Variants in ENPP2 observed in about 807,000 individuals in gnomAD.
ENPP2 encodes the protein autotaxin.
ENPP2 carries 51 observed loss-of-function variants against 120.2 expected under a neutral mutation model. The observed-to-expected ratio is 0.42, with a 90% CI of 0.34 to 0.54. The LOEUF is 0.54. Among genes scored for constraint, ENPP2 ranks in the 20% least tolerant of loss-of-function variants. The pLI is 0.04. For synonymous variants in ENPP2, 365 were observed against 366.4 expected, an observed-to-expected ratio of 1.00 and a Z score of 0.04; for missense variants, 920 against 1,066.5, an observed-to-expected ratio of 0.86 and a Z score of 1.91.
At chr8:119,651,934 C>T (rs183418723) in intron 1 of ENPP2, among the ~76,000 whole-genome samples, 36 of 152,244 alleles carry the variant, frequency 2.4e-4, no homozygotes, top group Admixed American at 1.4e-3. Flanking sequence ...TGAAAGCTTA[C>T]GCTGTGTCAA....
rs543456052 is a variant in ENPP2 at position 119,638,612 on chromosome 8, T to C, written c.34-85A>G. The C allele has an allele frequency of 2.0e-3, 2,042 of 1,017,014 alleles. 4 individuals carry two copies. Among genetic ancestry groups the C allele is most frequent in the Non-Finnish European group, 2.8e-3 (1,754 of 634,468 alleles). The allele number at this position is 1,017,014 out of a possible 1,614,324, so 63.0% of individuals were successfully genotyped here. On this transcript the variant is annotated intron_variant, in intron 1 of 24. Transcript: ENST00000075322. The stretch of plus-strand genomic sequence containing the variant: ...ACAAAGGTGATTCAAATGGCTTCAA[T>C]ATCAACACCCAATCCTACCACTTCC...
chr8:119,600,578 C>A, intron 11 of ENPP2, 100 bp downstream of exon 11: 5 of 758,484 alleles, frequency 6.6e-6, no homozygotes, highest in African/African-American at 1.8e-5. Context: ...CTTGTAGATA[C>A]AAACATCCAT....
At chr8:119,592,897 A>C (rs866245683) in intron 12 of ENPP2, 2 of 455,532 alleles carry the variant, frequency 4.4e-6, no homozygotes, top group Non-Finnish European at 5.6e-6. Flanking sequence ...AAAGACCTTC[A>C]GGACCAGAGC....
At chr8:119,637,321 G>C (rs1313694897) in intron 2 of ENPP2, among the ~76,000 whole-genome samples, 1 of 152,106 alleles carries the variant, frequency 6.6e-6, no homozygotes, top group Non-Finnish European at 1.5e-5. Context: ...TGCAAGTTTT[G>C]TGATCTATTT....
chr8:119,585,037 C>T (rs186821675), intron 15 of ENPP2, among the ~76,000 whole-genome samples: 106 of 152,306 alleles, frequency 7.0e-4, no homozygotes, highest in African/African-American at 2.2e-3. Flanking sequence ...CAACTGTCAT[C>T]ATCTTTCACT....
At chr8:119,600,614 A>T in intron 11 of ENPP2, 64 bp downstream of exon 11, 1 of 993,592 alleles carries the variant, frequency 1.0e-6, no homozygotes. Flanking sequence ...TTCCTGAAAT[A>T]AAGTCAGTAG....
intron 19 of ENPP2, among the ~76,000 whole-genome samples, chr8:119,574,154 G>A (rs1587359004): frequency 6.6e-6 from 1 of 151,932 alleles, no homozygotes; most frequent in East Asian, 1.9e-4. Context: ...GTTTATCAAA[G>A]TATCAAAGAA....
chr8:119,636,125 G>A (rs563979843), intron 2 of ENPP2, among the ~76,000 whole-genome samples: 2 of 152,298 alleles, frequency 1.3e-5, no homozygotes, highest in Admixed American at 1.3e-4. Flanking sequence ...AGGCATGGCT[G>A]CCTCCTCCCC....
chr8:119,600,665 C>T lies in ENPP2; in HGVS notation c.972+13G>A. On this transcript the variant is annotated intron_variant, in intron 11 of 24. Transcript: ENST00000075322. ...GCCACAGATTCTTCTCAGGCAGATG[C>T]TAAACCACTAACCTCAGGGCCGAAA... 1 of 1,579,220 alleles carries T rather than the reference C, an allele frequency of 6.3e-7. No individual in the cohort carries two copies. Among genetic ancestry groups the T allele is most frequent in the Non-Finnish European group, 8.7e-7 (1 of 1,148,638 alleles).
At chr8:119,561,118 T>C (rs1036839747) in intron 24 of ENPP2, among the ~76,000 whole-genome samples, 2 of 152,254 alleles carry the variant, frequency 1.3e-5, no homozygotes, top group African/African-American at 2.4e-5. Context: ...TCATTTCTAA[T>C]ATTCTGGCAA....
chr8:119,604,918 C>T (rs865924345), intron 9 of ENPP2, among the ~76,000 whole-genome samples: 24 of 151,954 alleles, frequency 1.6e-4, no homozygotes, highest in Admixed American at 6.6e-4. Context: ...GGATTACAGG[C>T]GCCCACCACC....
chr8:119,630,279 C>T (rs1816572817), intron 2 of ENPP2, among the ~76,000 whole-genome samples: 2 of 151,836 alleles, frequency 1.3e-5, no homozygotes, highest in Non-Finnish European at 2.9e-5. Context: ...CAGCAATTTT[C>T]GTATTTTTAG....
chr8:119,565,845 A>G (rs575689679), intron 22 of ENPP2, among the ~76,000 whole-genome samples: 48 of 152,152 alleles, frequency 3.2e-4, no homozygotes, highest in Non-Finnish European at 5.3e-4. Context: ...CTTTTACACC[A>G]TAAGTCAGAC....
intron 1 of ENPP2, among the ~76,000 whole-genome samples, chr8:119,647,345 G>A (rs1221271183): frequency 1.3e-5 from 2 of 152,072 alleles, no homozygotes; most frequent in East Asian, 1.9e-4. Context: ...CTCTCCAAAT[G>A]CAGGGACCAA....
At chr8:119,561,815 TTG>T (rs34146810) in intron 24 of ENPP2, among the ~76,000 whole-genome samples, 1,698 of 121,684 alleles carry the variant, frequency 0.014, 7 homozygotes, top group Non-Finnish European at 0.019. Context: ...GTGTGTGTGT[TTG>T]TGTGTGTGTG....
chr8:119,576,672 A>G (rs1225284454), intron 19 of ENPP2, among the ~76,000 whole-genome samples: 1 of 152,236 alleles, frequency 6.6e-6, no homozygotes, highest in African/African-American at 2.4e-5. Context: ...CTATAGTGCC[A>G]GAATTGCTTG....
At chr8:119,576,657 C>T (rs2130217244) in intron 19 of ENPP2, among the ~76,000 whole-genome samples, 1 of 152,278 alleles carries the variant, frequency 6.6e-6, no homozygotes, top group East Asian at 1.9e-4. Context: ...GAAAATTATA[C>T]TTGGCTATAG....
chr8:119,626,186 T>C (rs1816260601), intron 3 of ENPP2, among the ~76,000 whole-genome samples: 2 of 152,314 alleles, frequency 1.3e-5, no homozygotes, highest in Admixed American at 1.3e-4. Flanking sequence ...AGTGAGATGC[T>C]ATCTCTTAAT....
rs528846857 is a variant in ENPP2 at position 119,636,272 on chromosome 8, G to A, written c.136+2153C>T. On this transcript the variant is annotated intron_variant, in intron 2 of 24. Coordinates refer to ENST00000075322, the MANE Select transcript of ENPP2 (RefSeq NM_001040092.3). The stretch of plus-strand genomic sequence containing the variant: ...TTCTAAGCATATGCAGCATTTAAAC[G>A]CATAAAGATATTTCCACTGTCTACA... 5.3e-5 allele frequency among the ~76,000 whole-genome samples: 8 copies of A among 152,252 alleles called. 1 individual carries two copies. The South Asian group carries it at 1.5e-3, about 28-fold the overall frequency.
Sources: gnomAD v4.1 joint callset for allele counts (sites outside exome capture counted in the v4.1 genomes callset) on GRCh38, gnomAD v4.1.1 for gene constraint, MANE v1.5 for transcripts, NCBI Gene and HGNC (gene_info 2026-07-23, HGNC 2026-07-21) for gene names.